Variants in SCN10A observed in about 807,000 individuals in gnomAD.
SCN10A encodes the protein sodium voltage-gated channel alpha subunit 10.
In SCN10A, 162 loss-of-function variants were observed where a neutral mutation model predicts 170.7. The ratio of observed to expected loss-of-function variants is 0.95; its 90% CI spans 0.84 to 1.08. The LOEUF is 1.08. SCN10A is among the 50% of genes least tolerant of loss of function. The pLI, the probability that SCN10A is intolerant of heterozygous loss-of-function variation, is 0.00. For missense variants in SCN10A, 2,527 were observed against 2,436.9 expected (o/e 1.04, Z -0.78); for synonymous variants, 985 against 904.6 (o/e 1.09, Z -1.59).
chr3:38,707,534 A>T, intron 25 of SCN10A, 151 bp from the exon 26 acceptor site: 1 of 759,630 alleles, frequency 1.3e-6, no homozygotes, highest in Non-Finnish European at 2.1e-6. Flanking sequence ...GTCTTGCCAC[A>T]TCCAGTGTCG....
At chr3:38,766,559 T>A (rs1484174901) in intron 5 of SCN10A, among the ~76,000 whole-genome samples, 1 of 152,112 alleles carries the variant, frequency 6.6e-6, no homozygotes, top group African/African-American at 2.4e-5. Context: ...GTATGTTAAA[T>A]CATCCCTACC....
At chr3:38,777,683 G>C (rs1238663797) in intron 4 of SCN10A, among the ~76,000 whole-genome samples, 2 of 152,024 alleles carry the variant, frequency 1.3e-5, no homozygotes, top group African/African-American at 4.8e-5. Flanking sequence ...GAATCGACCA[G>C]GTCAAATCTT....
rs143033805 is a variant in SCN10A, at chr3:38,756,687, C to T, written c.1277G>A (p.Arg426Gln). The change falls in exon 10 of 28, where the codon CGG becomes CAG. Residue 426 changes from arginine to glutamine, a missense_variant. Physicochemically the swap from Arg to Gln is conservative, Grantham distance 43. Transcript: ENST00000449082. ...CTCCTCACAAACCTCCTGCTCCTTC[C>T]GGAGCATCTCGAGGGCCTCCTGGAA... is the stretch of plus-strand genomic sequence containing the variant. ...KKFQEALEML[R>Q]KEQEVLAALG... 133 of 1,613,348 alleles carry T rather than the reference C, an allele frequency of 8.2e-5. 1 individual carries two copies. The East Asian group carries it at 2.3e-3, about 28-fold the overall frequency.
intron 1 of SCN10A, among the ~76,000 whole-genome samples, chr3:38,812,251 T>C (rs1253455807): frequency 6.6e-6 from 1 of 152,266 alleles, no homozygotes; most frequent in Non-Finnish European, 1.5e-5. Context: ...ACTGTCATTT[T>C]ATCCTCACAC....
At chr3:38,810,563 C>T (rs567782939) in intron 1 of SCN10A, among the ~76,000 whole-genome samples, 35 of 152,236 alleles carry the variant, frequency 2.3e-4, no homozygotes, top group African/African-American at 6.3e-4. Context: ...TTAGGTGGCC[C>T]CAAGATCTCC....
At chr3:38,735,169 C>CAAAAAAAAA (rs543574832) in intron 15 of SCN10A, among the ~76,000 whole-genome samples, 45 of 75,776 alleles carry the variant, frequency 5.9e-4, no homozygotes, top group East Asian at 1.7e-3. Context: ...GACTCTGTCT[C>CAAAAAAAAA]AAAAAAAAAA....
At chr3:38,716,812 G>A (rs12495205) in intron 21 of SCN10A, among the ~76,000 whole-genome samples, 1,629 of 152,168 alleles carry the variant, frequency 0.011, 60 homozygotes, top group South Asian at 0.062. Flanking sequence ...TGAATGGAAA[G>A]ATGGGGAGCT....
chr3:38,750,004 T>C (rs527343838), intron 13 of SCN10A, 69 bp downstream of exon 13: 25 of 840,810 alleles, frequency 3.0e-5, no homozygotes, highest in East Asian at 2.0e-4. Context: ...GTTAGAGACA[T>C]TGCTTCTGCT....
chr3:38,812,694 C>T (rs990109619), intron 1 of SCN10A, among the ~76,000 whole-genome samples: 1 of 152,118 alleles, frequency 6.6e-6, no homozygotes, highest in African/African-American at 2.4e-5. Context: ...CTCTTCCTGT[C>T]ACTGCACTCT....
chr3:38,777,666 G>T (rs1370847891), intron 4 of SCN10A, among the ~76,000 whole-genome samples: 1 of 151,962 alleles, frequency 6.6e-6, no homozygotes, highest in Non-Finnish European at 1.5e-5. Flanking sequence ...AATAAGGAGG[G>T]GCATGTGAAT....
intron 8 of SCN10A, among the ~76,000 whole-genome samples, chr3:38,757,561 A>G (rs1180331470): frequency 1.3e-5 from 2 of 152,218 alleles, no homozygotes; most frequent in African/African-American, 4.8e-5. Flanking sequence ...CTGATTAATT[A>G]TATGTAACAG....
intron 15 of SCN10A, among the ~76,000 whole-genome samples, chr3:38,734,372 A>G (rs1413938634): frequency 6.6e-6 from 1 of 152,170 alleles, no homozygotes; most frequent in Non-Finnish European, 1.5e-5. Flanking sequence ...TGATACCAAA[A>G]CCTGGCAAGG....
At chr3:38,712,057 C>T (rs1340340329) in intron 23 of SCN10A, 104 bp downstream of exon 23, 2 of 1,128,886 alleles carry the variant, frequency 1.8e-6, no homozygotes, top group African/African-American at 1.5e-5. Context: ...ACACTGAGTG[C>T]TACTCCTTGC....
chr3:38,804,066 G>A (rs1304884283), intron 1 of SCN10A, among the ~76,000 whole-genome samples: 1 of 152,120 alleles, frequency 6.6e-6, no homozygotes, highest in African/African-American at 2.4e-5. Context: ...AGTTTCTGTA[G>A]CAATCAGAAT....
At chr3:38,724,261 G>A (rs1182311449) in intron 18 of SCN10A, among the ~76,000 whole-genome samples, 1 of 152,174 alleles carries the variant, frequency 6.6e-6, no homozygotes, top group Non-Finnish European at 1.5e-5. Context: ...GCCAGTAGCT[G>A]ACATTCTTCA....
intron 15 of SCN10A, among the ~76,000 whole-genome samples, chr3:38,732,023 G>A (rs1308663965): frequency 6.6e-6 from 1 of 152,212 alleles, no homozygotes; most frequent in Non-Finnish European, 1.5e-5. Context: ...AGAGCATTGG[G>A]CAGTGAGCCC....
In SCN10A at chr3:38,750,058, G is replaced by T. The variant is rs374363082; in HGVS notation, c.1867+15C>A. 13 of 1,419,986 alleles carry T rather than the reference G, an allele frequency of 9.2e-6. No individual in the cohort carries two copies. The highest frequency in any genetic ancestry group is 1.2e-5 in the Non-Finnish European group (12 of 1,005,052). The allele number at this position is 1,419,986 out of a possible 1,614,324, so 88.0% of individuals were successfully genotyped here. ...CATGACACAGTGGATGAACAATGCA[G>T]TGAGCAGCACTTACCCTCAAGGACG... On this transcript the variant is annotated intron_variant, in intron 13 of 27. Transcript: ENST00000449082.
At chr3:38,701,777 A>G in intron 27 of SCN10A, 62 bp downstream of exon 27, 2 of 1,485,432 alleles carry the variant, frequency 1.3e-6, no homozygotes, top group Non-Finnish European at 1.8e-6. Flanking sequence ...TGGTTTTAGA[A>G]GAGCATCCCA....
At chr3:38,726,568 C>T (rs1361845432) in intron 17 of SCN10A, 38 bp downstream of exon 17, 3 of 1,506,778 alleles carry the variant, frequency 2.0e-6, no homozygotes, top group African/African-American at 1.4e-5. Flanking sequence ...GAAGCCCCTC[C>T]CCACTGCCTG....
Sources: allele counts gnomAD v4.1 joint callset (sites outside exome capture counted in the v4.1 genomes callset), GRCh38; gene constraint gnomAD v4.1.1; transcripts MANE v1.5; gene names NCBI Gene and HGNC (gene_info 2026-07-23, HGNC 2026-07-21).